Variants in NKAIN3 observed in about 807,000 individuals in gnomAD.
The protein encoded by NKAIN3 is sodium/potassium transporting ATPase interacting 3.
A neutral mutation model predicts 30.2 loss-of-function variants in NKAIN3; 25 were observed. The observed-to-expected ratio is 0.83, with a 90% CI of 0.60 to 1.16. The LOEUF is 1.16. Ranked by LOEUF, NKAIN3 falls within the 50% of genes most tolerant of loss-of-function variation. The pLI, the probability that NKAIN3 is intolerant of heterozygous loss-of-function variation, is 0.00. For synonymous variants in NKAIN3, 91 were observed against 89.6 expected (o/e 1.02, Z -0.09); for missense variants, 225 against 254.1 (o/e 0.89, Z 0.78).
At chr8:62,403,237 G>A (rs1341150807) in intron 1 of NKAIN3, among the ~76,000 whole-genome samples, 5 of 152,128 alleles carry the variant, frequency 3.3e-5, no homozygotes, top group South Asian at 2.1e-4. Context: ...GAGGAAGCAC[G>A]CCTAAAAGTT....
intron 1 of NKAIN3, among the ~76,000 whole-genome samples, chr8:62,440,692 C>T (rs1316968008): frequency 7.1e-6 from 1 of 140,986 alleles, no homozygotes; most frequent in Non-Finnish European, 1.6e-5. Context: ...TCTTTTTCTT[C>T]TTCTTCTTTA....
chr8:62,307,901 G>A (rs1488963619), intron 1 of NKAIN3, among the ~76,000 whole-genome samples: 1 of 150,432 alleles, frequency 6.6e-6, no homozygotes, highest in Admixed American at 6.6e-5. Flanking sequence ...TAAGCTAGGC[G>A]ACTGAAGCCA....
At chr8:62,918,560 A>T (rs1164419309) in intron 5 of NKAIN3, 47 bp downstream of exon 5, 24 of 1,283,230 alleles carry the variant, frequency 1.9e-5, no homozygotes, top group Non-Finnish European at 2.7e-5. Flanking sequence ...TGAATGAGAT[A>T]CAGCTTCCAA....
chr8:62,497,397 T>C (rs1319390108), intron 1 of NKAIN3, among the ~76,000 whole-genome samples: 1 of 151,434 alleles, frequency 6.6e-6, no homozygotes, highest in African/African-American at 2.4e-5. Context: ...CTGTGGAACA[T>C]GATGTATGTG....
chr8:62,474,413 G>T (rs1361472429), intron 1 of NKAIN3: 1 of 152,126 alleles, frequency 6.6e-6, no homozygotes, highest in Non-Finnish European at 1.5e-5. Context: ...CTGTGTGCTG[G>T]CAGGTCACTT....
chr8:62,316,495 T>G (rs1470550282), intron 1 of NKAIN3, among the ~76,000 whole-genome samples: 1 of 152,040 alleles, frequency 6.6e-6, no homozygotes, highest in Non-Finnish European at 1.5e-5. Flanking sequence ...GTTCTCATTG[T>G]TCAATTCCCA....
Position 62,984,410 on chromosome 8 carries a change from A to G in NKAIN3, c.*19003A>G, listed in dbSNP as rs1433660460. 1.3e-5 allele frequency: 2 copies of G among 152,132 alleles called. No homozygotes were observed. The highest frequency in any genetic ancestry group is 2.9e-5 in the Non-Finnish European group (2 of 68,018). 9.4% of individuals were successfully genotyped at this position (152,132 alleles called of 1,614,324 possible). A position where few individuals can be genotyped will look rare whatever the true frequency, so the allele number is the denominator to read the frequency against. ...AATCATTTTTTTTTTAAATCTCTCA[A>G]TCTTCAAATAATTCTTAGATTGCTT... On this transcript the variant is annotated 3_prime_UTR_variant, in exon 7 of 7. Transcript: ENST00000623646.
intron 1 of NKAIN3, among the ~76,000 whole-genome samples, chr8:62,382,521 T>C (rs973954973): frequency 2.6e-5 from 4 of 152,198 alleles, no homozygotes; most frequent in African/African-American, 9.7e-5. Flanking sequence ...TCTCTAAGTA[T>C]GTTTCTATAT....
At chr8:62,996,569 T>A (rs1422630244) in intron 5 of NKAIN3, among the ~76,000 whole-genome samples, 1 of 152,142 alleles carries the variant, frequency 6.6e-6, no homozygotes, top group Admixed American at 6.5e-5. Flanking sequence ...TCCAGCATTA[T>A]CACAAAAGTC....
chr8:62,918,803 G>T (rs889894236), intron 5 of NKAIN3, among the ~76,000 whole-genome samples: 1 of 152,110 alleles, frequency 6.6e-6, no homozygotes, highest in African/African-American at 2.4e-5. Context: ...TAACCATTAT[G>T]CCGAGTAGAC....
At chr8:62,758,606 G>A (rs1036176899) in intron 4 of NKAIN3, among the ~76,000 whole-genome samples, 3 of 152,270 alleles carry the variant, frequency 2.0e-5, no homozygotes, top group South Asian at 2.1e-4. Flanking sequence ...TATATCCACA[G>A]AGCAGCTGGG....
At chr8:62,624,338 G>T (rs1453656406) in intron 3 of NKAIN3, among the ~76,000 whole-genome samples, 1 of 151,792 alleles carries the variant, frequency 6.6e-6, no homozygotes. Context: ...AGATGGAGTT[G>T]CTGTGGTTCA....
At chr8:62,593,506 A>G (rs1235715908) in intron 3 of NKAIN3, among the ~76,000 whole-genome samples, 1 of 152,012 alleles carries the variant, frequency 6.6e-6, no homozygotes, top group African/African-American at 2.4e-5. Flanking sequence ...TGGTTCTTTG[A>G]AAAGATTAAT....
rs1023987233 is a variant in NKAIN3 at position 62,683,251 on chromosome 8, G to T, written c.274-63681G>T. ...GGGTTTCACCGTGTTAACCAGGATG[G>T]TCTTGATCTCCTGACCTCGTGATCC... On this transcript the variant is annotated intron_variant, in intron 3 of 6. Transcript: ENST00000623646. Among the ~76,000 whole-genome samples the T allele has an allele frequency of 2.0e-4, 31 of 152,098 alleles. 4 individuals are homozygous for T. The highest frequency in any genetic ancestry group is 1.9e-3 in the Admixed American group (29 of 15,260).
At chr8:62,999,332 T>C (rs1765221153) in exon 6 of NKAIN3, 2 of 152,124 alleles carry the variant, frequency 1.3e-5, no homozygotes, top group South Asian at 2.1e-4. Context: ...GCACATCACA[T>C]AGCAAGAGTG....
At chr8:62,829,520 G>A (rs1819127921) in intron 4 of NKAIN3, among the ~76,000 whole-genome samples, 1 of 152,094 alleles carries the variant, frequency 6.6e-6, no homozygotes, top group South Asian at 2.1e-4. Flanking sequence ...AGACAAAATA[G>A]AGCCCAGCAA....
chr8:62,476,119 G>T (rs545271777), intron 1 of NKAIN3, among the ~76,000 whole-genome samples: 1 of 152,316 alleles, frequency 6.6e-6, no homozygotes, highest in East Asian at 1.9e-4. Context: ...TCAGATGAGG[G>T]TTGTACTAGG....
rs1228390934 is a variant in NKAIN3 at position 62,800,897 on chromosome 8, C to T, written c.471+53768C>T. Among the ~76,000 whole-genome samples the T allele has an allele frequency of 4.6e-5, 7 of 152,184 alleles. No individual in the cohort carries two copies. In the East Asian group the frequency reaches 5.8e-4, roughly 13 times the overall value. Reference sequence around the variant, plus strand: ...GGGTGACAGACGGCACCTGGAAAATCGGGTCACTCCCACCCTAATACTGCG... The same window carrying T: ...GGGTGACAGACGGCACCTGGAAAATTGGGTCACTCCCACCCTAATACTGCG... On this transcript the variant is annotated intron_variant, in intron 4 of 6. Transcript: ENST00000623646.
chr8:62,847,239 G>C (rs1437126509), intron 4 of NKAIN3, among the ~76,000 whole-genome samples: 1 of 152,192 alleles, frequency 6.6e-6, no homozygotes, highest in African/African-American at 2.4e-5. Flanking sequence ...TATTTCTGCT[G>C]CTAGGTCTTT....
Sources: allele counts gnomAD v4.1 joint callset (sites outside exome capture counted in the v4.1 genomes callset), GRCh38; gene constraint gnomAD v4.1.1; transcripts MANE v1.5; gene names NCBI Gene and HGNC (gene_info 2026-07-23, HGNC 2026-07-21).